The following POLA1 variants were observed in gnomAD, a reference collection of about 807,000 sequenced individuals.
The protein encoded by POLA1 is DNA polymerase alpha 1, catalytic subunit, also known as DNA polymerase alpha catalytic subunit.
A neutral mutation model predicts 124.0 loss-of-function variants in POLA1; 15 were observed. The ratio of observed to expected loss-of-function variants is 0.12; its 90% CI spans 0.08 to 0.19. POLA1 has a LOEUF of 0.19. Ranked by LOEUF, POLA1 falls within the 10% of genes least tolerant of loss-of-function variation. The pLI, the probability that POLA1 is intolerant of heterozygous loss-of-function variation, is 1.00. For missense variants in POLA1, 886 were observed against 1,103.4 expected, an observed-to-expected ratio of 0.80 and a Z score of 2.79; for synonymous variants, 408 against 389.4, an observed-to-expected ratio of 1.05 and a Z score of -0.56.
At chrX:24,964,085 C>G (rs2048197201) in intron 36 of POLA1, among the ~76,000 whole-genome samples, 1 of 111,660 alleles carries the variant, frequency 9.0e-6, no homozygotes, top group Non-Finnish European at 1.9e-5. Flanking sequence ...TGGTGGGAAG[C>G]TGGGGAATGC....
rs188566569 is a variant in POLA1 at position 24,803,520 on chromosome X, T to C, written c.2965-6378T>C. 4.7e-4 allele frequency among the ~76,000 whole-genome samples: 52 copies of C among 111,388 alleles called. No individual in the cohort carries two copies. The East Asian group carries it at 0.012, about 27-fold the overall frequency. On this transcript the variant is annotated intron_variant, in intron 26 of 36. Transcript: ENST00000379068. ...GATCTCAACAGGTGTTGGATGTTAT[T>C]ATGTATTTTAAATGTACCCACTCAC...
intron 36 of POLA1, among the ~76,000 whole-genome samples, chrX:24,982,740 G>A (rs897156015): frequency 9.1e-6 from 1 of 109,463 alleles, no homozygotes; most frequent in African/African-American, 3.3e-5. Context: ...TCCATCTCAA[G>A]TCCCTCCCCT....
intron 36 of POLA1, among the ~76,000 whole-genome samples, chrX:24,973,683 G>A (rs2048330688): frequency 1.8e-5 from 2 of 112,041 alleles, no homozygotes; most frequent in African/African-American, 6.5e-5. Flanking sequence ...TGGTTATTCT[G>A]AACTGGGCTC....
chrX:24,749,816 T>TA (rs775601103), intron 26 of POLA1, among the ~76,000 whole-genome samples: 1 of 112,478 alleles, frequency 8.9e-6, no homozygotes, highest in South Asian at 3.7e-4. Flanking sequence ...AGAATTTAGG[T>TA]ACATCACTTT....
chrX:24,858,811 C>G (rs1302428539), intron 34 of POLA1, among the ~76,000 whole-genome samples: 1 of 112,426 alleles, frequency 8.9e-6, no homozygotes, highest in East Asian at 2.8e-4. Flanking sequence ...TCCCTAAACA[C>G]CATTTTCCCT....
intron 4 of POLA1, among the ~76,000 whole-genome samples, chrX:24,709,187 AG>A (rs1203366915): frequency 2.2e-4 from 7 of 31,730 alleles, no homozygotes; most frequent in East Asian, 1.1e-3. Flanking sequence ...CTGGCCGGGC[AG>A]GGGGGCTGAC....
intron 26 of POLA1, among the ~76,000 whole-genome samples, chrX:24,777,442 A>G (rs1322083691): frequency 2.7e-5 from 3 of 112,543 alleles, no homozygotes; most frequent in Non-Finnish European, 5.6e-5. Context: ...GGCAATGGAA[A>G]AGATATTAGT....
At chrX:24,802,186 T>G (rs932366847) in intron 26 of POLA1, among the ~76,000 whole-genome samples, 2 of 111,159 alleles carry the variant, frequency 1.8e-5, no homozygotes, top group African/African-American at 6.6e-5. Context: ...GTCAACTGAT[T>G]TAAATGTTAA....
At chrX:24,801,970 T>TGA (rs1555994760) in intron 26 of POLA1, among the ~76,000 whole-genome samples, 2 of 106,024 alleles carry the variant, frequency 1.9e-5, no homozygotes, top group Non-Finnish European at 3.9e-5. Flanking sequence ...TGTGTGTGTG[T>TGA]GACATTTATT....
intron 35 of POLA1, among the ~76,000 whole-genome samples, chrX:24,891,920 G>T (rs1248275734): frequency 1.8e-5 from 2 of 111,197 alleles, no homozygotes; most frequent in East Asian, 5.6e-4. Context: ...CAAGTTTGAT[G>T]GTAAAGCACT....
chrX:24,844,740 T>G (rs2046454718), intron 34 of POLA1, among the ~76,000 whole-genome samples: 1 of 111,951 alleles, frequency 8.9e-6, no homozygotes, highest in Non-Finnish European at 1.9e-5. Context: ...TATGACTACA[T>G]TTTGGGAAAA....
At chrX:24,905,875 A>G (rs927602423) in intron 35 of POLA1, among the ~76,000 whole-genome samples, 3 of 112,155 alleles carry the variant, frequency 2.7e-5, no homozygotes, top group Admixed American at 9.4e-5. Flanking sequence ...CACTTTTTAA[A>G]TGAATGGAAA....
chrX:24,725,557 C>T (rs1416496039), intron 12 of POLA1, among the ~76,000 whole-genome samples: 1 of 110,895 alleles, frequency 9.0e-6, no homozygotes, highest in African/African-American at 3.3e-5. Flanking sequence ...TCAAGAGTTG[C>T]CGGAAGGGTT....
chrX:24,843,509 A>G (rs1467163239), intron 33 of POLA1, 37 bp from the exon 34 acceptor site: 1 of 1,101,241 alleles, frequency 9.1e-7, no homozygotes, highest in Non-Finnish European at 1.2e-6. Flanking sequence ...TTATAGCCTC[A>G]CAGTAATTTT....
chrX:24,807,288 T>C (rs183431021), intron 26 of POLA1, among the ~76,000 whole-genome samples: 36 of 112,368 alleles, frequency 3.2e-4, no homozygotes, highest in African/African-American at 1.1e-3. Flanking sequence ...TTTATTGAGG[T>C]AACAGTTACG....
intron 35 of POLA1, among the ~76,000 whole-genome samples, chrX:24,902,267 A>G (rs924578712): frequency 5.3e-5 from 6 of 112,456 alleles, no homozygotes; most frequent in South Asian, 3.7e-4. Flanking sequence ...GATCAGTAGG[A>G]TATAAATAGG....
At chrX:24,965,469 G>A (rs1475107586) in intron 36 of POLA1, among the ~76,000 whole-genome samples, 1 of 111,948 alleles carries the variant, frequency 8.9e-6, no homozygotes, top group Non-Finnish European at 1.9e-5. Flanking sequence ...CTGTATGTGA[G>A]TTCCTTGGAG....
chrX:24,885,290 C>T (rs779177228), intron 34 of POLA1, among the ~76,000 whole-genome samples: 1 of 111,082 alleles, frequency 9.0e-6, no homozygotes, highest in Non-Finnish European at 1.9e-5. Flanking sequence ...GCCTCAGATA[C>T]CAAATTTAAA....
At chrX:24,914,417 C>T (rs1451927451) in intron 35 of POLA1, among the ~76,000 whole-genome samples, 3 of 110,021 alleles carry the variant, frequency 2.7e-5, no homozygotes, top group Non-Finnish European at 5.7e-5. Flanking sequence ...AACTTTTTGG[C>T]CAGGAATCCA....
Sources: gnomAD v4.1 joint callset for allele counts (sites outside exome capture counted in the v4.1 genomes callset) on GRCh38, gnomAD v4.1.1 for gene constraint, MANE v1.5 for transcripts, NCBI Gene and HGNC (gene_info 2026-07-23, HGNC 2026-07-21) for gene names.